ADGRF5: variants seen among roughly 807,000 people sequenced by gnomAD.
The protein encoded by ADGRF5 is G-protein coupled receptor 116.
Under a neutral mutation model 132.3 loss-of-function variants are expected in ADGRF5, and 75 were observed. The observed-to-expected ratio is 0.57, with a 90% confidence interval of 0.47 to 0.69. ADGRF5 has a LOEUF of 0.69. ADGRF5 is among the 30% of genes least tolerant of loss of function. The probability of loss-of-function intolerance (pLI) is 0.00; values close to 1 mark genes in which losing one functional copy is unlikely to be tolerated. For synonymous variants in ADGRF5, 629 were observed against 597.6 expected, an observed-to-expected ratio of 1.05 and a Z score of -0.77; for missense variants, 1,516 against 1,630.6, an observed-to-expected ratio of 0.93 and a Z score of 1.21.
chr6:46,889,968 ACT>A (rs1353551612), intron 3 of ADGRF5, among the ~76,000 whole-genome samples: 2 of 151,804 alleles, frequency 1.3e-5, no homozygotes, highest in African/African-American at 2.4e-5. Context: ...TAAACCTGAA[ACT>A]CTCTGTCACT....
chr6:46,914,937 C>A (rs767183151), intron 1 of ADGRF5, among the ~76,000 whole-genome samples: 7 of 151,894 alleles, frequency 4.6e-5, no homozygotes, highest in Non-Finnish European at 1.0e-4. Context: ...CTCACTGCAA[C>A]CTCTGACTCT....
At chr6:46,862,441 T>G (rs1210787891) in intron 15 of ADGRF5, among the ~76,000 whole-genome samples, 1 of 152,182 alleles carries the variant, frequency 6.6e-6, no homozygotes, top group Non-Finnish European at 1.5e-5. Flanking sequence ...GTCAGAAAAT[T>G]TCATACCTGT....
In ADGRF5 at chr6:46,945,424, G is replaced by A. The variant is rs6903275; in HGVS notation, c.-25+9310C>T. On this transcript the variant is annotated intron_variant, in intron 1 of 20. Transcript: ENST00000265417. ...TAAATCACTTAAGTGACACTTTTGC[G>A]TTCCTAACTCTACATGAAATACTGA... is the stretch of plus-strand genomic sequence containing the variant. Among the ~76,000 whole-genome samples the A allele has an allele frequency of 8.0e-3, 1,222 of 152,266 alleles. 13 individuals are homozygous for A. Among genetic ancestry groups the A allele is most frequent in the Middle Eastern group, 0.031 (9 of 294 alleles).
chr6:46,862,445 T>C (rs1769865941), intron 15 of ADGRF5, among the ~76,000 whole-genome samples: 1 of 152,190 alleles, frequency 6.6e-6, no homozygotes, highest in South Asian at 2.1e-4. Context: ...GAAAATTTCA[T>C]ACCTGTAAGA....
At chr6:46,873,070 C>T (rs990926802) in intron 10 of ADGRF5, among the ~76,000 whole-genome samples, 4 of 152,084 alleles carry the variant, frequency 2.6e-5, no homozygotes, top group African/African-American at 7.2e-5. Context: ...AGGCTCACCC[C>T]GCCACTTATC....
intron 1 of ADGRF5, among the ~76,000 whole-genome samples, chr6:46,941,508 C>T (rs1275841888): frequency 6.6e-6 from 1 of 150,832 alleles, no homozygotes; most frequent in Admixed American, 6.6e-5. Context: ...GGCAGGCAGG[C>T]AAATTCTAGA....
intron 3 of ADGRF5, among the ~76,000 whole-genome samples, chr6:46,892,155 TACACACACACACACACACACACAC>T (rs66857908): frequency 3.2e-4 from 43 of 136,300 alleles, no homozygotes; most frequent in South Asian, 1.0e-3. Flanking sequence ...AATACACAAA[TACACACACACACACACACACACAC>T]ACACACACAC....
intron 1 of ADGRF5, among the ~76,000 whole-genome samples, chr6:46,912,717 G>C (rs1581981344): frequency 6.6e-6 from 1 of 152,266 alleles, no homozygotes; most frequent in Non-Finnish European, 1.5e-5. Context: ...AGGCTGGCAG[G>C]AACAGGGGAC....
rs1421009744 is a variant in ADGRF5 at position 46,858,385 on chromosome 6, A to G, written c.3518T>C (p.Leu1173Pro). Reference protein sequence around the residue: ...WLNWEDTKALLAFAIPALIIV... With the variant: ...WLNWEDTKALPAFAIPALIIV... ...GATCAGTGCTGGGATGGCGAAAGCCAGCAGGGCCTTGGTGTCCTCCCAGTT... is the reference window on the plus strand; with the variant it reads ...GATCAGTGCTGGGATGGCGAAAGCCGGCAGGGCCTTGGTGTCCTCCCAGTT... The change falls in exon 17 of 21, where the codon CTG becomes CCG. Residue 1173 changes from leucine (L) to proline (P), a missense_variant. Transcript: ENST00000283296. The G allele has an allele frequency of 6.2e-7, 1 of 1,614,002 alleles. No individual in the cohort carries two copies. The highest frequency in any genetic ancestry group is 8.5e-7 in the Non-Finnish European group (1 of 1,179,896).
At position 46,884,094 on chromosome 6, in the gene ADGRF5, C is replaced by A; in HGVS notation, c.505+1G>T. 1 of 1,612,732 alleles carries A rather than the reference C, an allele frequency of 6.2e-7. No individual in the cohort carries two copies. The highest frequency in any genetic ancestry group is 8.5e-7 in the Non-Finnish European group (1 of 1,178,986). ...CGAGCATTTAATGAGCAGTTACTTA[C>A]CTTCCTGAAGCAGGCAAAAAGGTCC... On this transcript the variant is annotated splice_donor_variant, in intron 5 of 20. Transcript: ENST00000283296. LOFTEE classifies it high-confidence loss of function.
At chr6:46,865,598 T>A (rs1017594434) in intron 13 of ADGRF5, among the ~76,000 whole-genome samples, 1 of 152,244 alleles carries the variant, frequency 6.6e-6, no homozygotes, top group African/African-American at 2.4e-5. Flanking sequence ...TACCTTGTCT[T>A]ATTTATCTTT....
chr6:46,867,282 A>C, intron 12 of ADGRF5, 145 bp from the exon 13 acceptor site: 1 of 596,508 alleles, frequency 1.7e-6, no homozygotes, highest in Admixed American at 2.9e-5. Flanking sequence ...GGAGGAAAAA[A>C]TGCTTGATTG....
chr6:46,856,344 A>G (rs562435009), intron 19 of ADGRF5, among the ~76,000 whole-genome samples: 30 of 152,330 alleles, frequency 2.0e-4, no homozygotes, highest in Admixed American at 9.8e-4. Flanking sequence ...ACTACAGAAA[A>G]TTCTATCCAT....
chr6:46,858,967 T>C lies in ADGRF5; in HGVS notation c.2936A>G (p.Asp979Gly). The C allele has an allele frequency of 6.2e-7, 1 of 1,613,964 alleles. No individual in the cohort carries two copies. The highest frequency in any genetic ancestry group is 8.5e-7 in the Non-Finnish European group (1 of 1,179,866). ...ACAGATACAGGTGACATTGTCCCCA[T>C]CACCTTCTTCTACATAGCACCCACT... ...DSSGCYVEEG[D>G]GDNVTCICDH... The change falls in exon 17 of 21, where the codon GAT becomes GGT. Residue 979 changes from aspartate to glycine, a missense_variant. Asp to Gly is a moderately conservative substitution (Grantham distance 94, BLOSUM62 -1). Coordinates refer to ENST00000283296, the MANE Select transcript of ADGRF5 (RefSeq NM_001098518.2).
chr6:46,950,058 C>G (rs553101087), intron 1 of ADGRF5, among the ~76,000 whole-genome samples: 1 of 152,278 alleles, frequency 6.6e-6, no homozygotes, highest in South Asian at 2.1e-4. Flanking sequence ...TGGCTTGGAT[C>G]ACCGCACTGA....
At chr6:46,860,400 A>G (rs1769602585) in intron 16 of ADGRF5, among the ~76,000 whole-genome samples, 1 of 152,236 alleles carries the variant, frequency 6.6e-6, no homozygotes, top group Admixed American at 6.5e-5. Flanking sequence ...ATTTAGTGCT[A>G]GACCTTTGAG....
intron 10 of ADGRF5, among the ~76,000 whole-genome samples, chr6:46,876,360 C>T (rs2150822889): frequency 6.6e-6 from 1 of 152,360 alleles, no homozygotes; most frequent in East Asian, 1.9e-4. Flanking sequence ...GGGTTGAAAG[C>T]TTCTAAGCCA....
In ADGRF5 at chr6:46,906,723, T is replaced by C. The variant is rs200005287; in HGVS notation, c.40A>G (p.Ile14Val). 1.4e-5 allele frequency: 23 copies of C among 1,608,698 alleles called. No homozygotes were observed. Among genetic ancestry groups the C allele is most frequent in the Non-Finnish European group, 1.8e-5 (21 of 1,175,302 alleles). Residue 14 changes from isoleucine (I) to valine (V), a missense_variant, in exon 2 of 21, where the codon ATT (isoleucine) becomes GTT (valine). Ile to Val is a conservative substitution (Grantham distance 29). Transcript: ENST00000283296. ...PRRTTLCLMF[I>V]VIYSSKAALN... Reference sequence around the variant, plus strand: ...GCAGCTTTGGAAGAATAAATCACAATAAACATGAGGCACAAAGTGGTTCTC... The same window carrying C: ...GCAGCTTTGGAAGAATAAATCACAACAAACATGAGGCACAAAGTGGTTCTC...
chr6:46,925,308 T>A (rs938804694), upstream of ADGRF5, among the ~76,000 whole-genome samples: 1 of 152,228 alleles, frequency 6.6e-6, no homozygotes, highest in Non-Finnish European at 1.5e-5. Context: ...TGCCCTAACA[T>A]TGCTTTCTTA....
Sources: gnomAD v4.1 joint callset for allele counts (sites outside exome capture counted in the v4.1 genomes callset) on GRCh38, gnomAD v4.1.1 for gene constraint, MANE v1.5 for transcripts, NCBI Gene and HGNC (gene_info 2026-07-23, HGNC 2026-07-21) for gene names.